PIAS2: variants seen among roughly 807,000 people sequenced by gnomAD.
PIAS2 encodes protein inhibitor of activated STAT 2, also known as E3 SUMO-protein ligase PIAS2.
PIAS2 carries 19 observed loss-of-function variants against 69.7 expected under a neutral mutation model. The ratio of observed to expected loss-of-function variants is 0.27; its 90% confidence interval spans 0.19 to 0.40. The LOEUF is 0.40. Ranked by LOEUF, PIAS2 falls within the 10% of genes least tolerant of loss-of-function variation. PIAS2 has a pLI of 1.00. For synonymous variants in PIAS2, 261 were observed against 263.2 expected (o/e 0.99, Z 0.08); for missense variants, 624 against 757.0 (o/e 0.82, Z 2.06).
chr18:46,883,010 A>G (rs1386738557), intron 2 of PIAS2, among the ~76,000 whole-genome samples: 3 of 151,832 alleles, frequency 2.0e-5, no homozygotes, highest in Non-Finnish European at 2.9e-5. Flanking sequence ...GAAAAAAAAA[A>G]TCGCTTGAAC....
intron 1 of PIAS2, among the ~76,000 whole-genome samples, chr18:46,898,112 C>T (rs1294419651): frequency 6.6e-6 from 1 of 152,096 alleles, no homozygotes; most frequent in East Asian, 1.9e-4. Context: ...ACCTTGACCT[C>T]CCAAAGTGCT....
intron 8 of PIAS2, among the ~76,000 whole-genome samples, chr18:46,839,409 C>A (rs886512293): frequency 4.6e-5 from 7 of 152,038 alleles, no homozygotes; most frequent in Non-Finnish European, 1.0e-4. Context: ...GAATAACAGA[C>A]CTTGTGAATT....
intron 2 of PIAS2, among the ~76,000 whole-genome samples, chr18:46,867,299 A>T (rs1279620074): frequency 2.0e-5 from 3 of 151,816 alleles, no homozygotes; most frequent in Admixed American, 6.6e-5. Context: ...CTATAACCAG[A>T]CTCCAGGAAC....
intron 9 of PIAS2, among the ~76,000 whole-genome samples, chr18:46,835,916 C>T (rs1221257713): frequency 6.6e-6 from 1 of 152,144 alleles, no homozygotes; most frequent in East Asian, 1.9e-4. Context: ...AGAGATGATG[C>T]TTAAAGTTTG....
At chr18:46,852,348 A>AG (rs2047090540) in intron 5 of PIAS2, among the ~76,000 whole-genome samples, 1 of 152,172 alleles carries the variant, frequency 6.6e-6, no homozygotes, top group South Asian at 2.1e-4. Context: ...TGGCCCTATA[A>AG]GGGTCAGGCA....
chr18:46,889,068 C>T (rs555202128), intron 2 of PIAS2, among the ~76,000 whole-genome samples: 1 of 152,202 alleles, frequency 6.6e-6, no homozygotes, highest in East Asian at 1.9e-4. Flanking sequence ...CACCTAATAC[C>T]ATATACGAAA....
At chr18:46,863,155 T>G (rs946395783) in intron 3 of PIAS2, among the ~76,000 whole-genome samples, 13 of 152,218 alleles carry the variant, frequency 8.5e-5, no homozygotes, top group Non-Finnish European at 1.9e-4. Context: ...TTGGTCAGGA[T>G]GACTATACAG....
intron 1 of PIAS2, chr18:46,916,864 G>A: frequency 1.0e-6 from 1 of 985,566 alleles, no homozygotes. Context: ...AAGAAGAGGA[G>A]AGATTCCTAA....
At chr18:46,884,938 T>C (rs1460244422) in intron 2 of PIAS2, among the ~76,000 whole-genome samples, 1 of 151,238 alleles carries the variant, frequency 6.6e-6, no homozygotes, top group Non-Finnish European at 1.5e-5. Context: ...ACTTAAAAAA[T>C]TGAAGAGGAA....
intron 8 of PIAS2, among the ~76,000 whole-genome samples, chr18:46,840,209 T>G (rs948113106): frequency 9.2e-5 from 14 of 152,140 alleles, no homozygotes; most frequent in Non-Finnish European, 1.8e-4. Context: ...AGACATTTTA[T>G]GTATGTGGGC....
chr18:46,884,376 G>A (rs528465109), intron 2 of PIAS2, among the ~76,000 whole-genome samples: 3 of 151,648 alleles, frequency 2.0e-5, no homozygotes, highest in South Asian at 2.1e-4. Flanking sequence ...GCAGTGGCTC[G>A]ATCTAGGCTC....
At chr18:46,816,176 C>T (rs1255676589) in intron 12 of PIAS2, 8 of 985,150 alleles carry the variant, frequency 8.1e-6, no homozygotes, top group South Asian at 9.4e-5. Context: ...AATTTCTATT[C>T]AATTCCGTGA....
At chr18:46,867,372 T>G (rs2049644538) in intron 2 of PIAS2, among the ~76,000 whole-genome samples, 1 of 152,218 alleles carries the variant, frequency 6.6e-6, no homozygotes, top group Non-Finnish European at 1.5e-5. Context: ...CATTGACAGT[T>G]CTTAGATAAG....
At chr18:46,835,118 C>A (rs190570259) in intron 9 of PIAS2, among the ~76,000 whole-genome samples, 43 of 152,224 alleles carry the variant, frequency 2.8e-4, no homozygotes, top group Non-Finnish European at 5.3e-4. Context: ...TGCAAAGGGG[C>A]ATGACATATG....
rs1344118383 is a variant in PIAS2 at position 46,804,283 on chromosome 18, G to A, written c.*8150C>T. ...TTATGTATTAAGAGTATATAAACCA[G>A]GGTACTGGGATAATAGTTAGGGAAC... On this transcript the variant is annotated 3_prime_UTR_variant, in exon 14 of 14. Transcript: ENST00000585916. The A allele has an allele frequency of 2.6e-5, 4 of 152,118 alleles. No homozygotes were observed. Among genetic ancestry groups the A allele is most frequent in the Admixed American group, 1.3e-4 (2 of 15,274 alleles). 9.4% of individuals were successfully genotyped at this position (152,118 alleles called of 1,614,324 possible).
intron 1 of PIAS2, among the ~76,000 whole-genome samples, chr18:46,892,032 G>C (rs560357517): frequency 1.3e-5 from 2 of 151,926 alleles, no homozygotes; most frequent in African/African-American, 4.8e-5. Flanking sequence ...ACCTACCCAG[G>C]AGAACTACCT....
intron 1 of PIAS2, among the ~76,000 whole-genome samples, chr18:46,908,611 G>C (rs375951083): frequency 6.6e-6 from 1 of 151,768 alleles, no homozygotes; most frequent in Non-Finnish European, 1.5e-5. Flanking sequence ...AAATATCTTC[G>C]AGAACTCTGT....
At chr18:46,894,478 C>T (rs891487910) in intron 1 of PIAS2, among the ~76,000 whole-genome samples, 1 of 152,172 alleles carries the variant, frequency 6.6e-6, no homozygotes, top group East Asian at 1.9e-4. Flanking sequence ...TTCCACTCCA[C>T]TGCGCTAACT....
chr18:46,872,383 C>A (rs1013462302), intron 2 of PIAS2, among the ~76,000 whole-genome samples: 2 of 152,158 alleles, frequency 1.3e-5, no homozygotes, highest in Non-Finnish European at 2.9e-5. Context: ...TCATTCTGAG[C>A]GAAAGCAACA....
Sources: allele counts gnomAD v4.1 joint callset (sites outside exome capture counted in the v4.1 genomes callset), GRCh38; gene constraint gnomAD v4.1.1; transcripts MANE v1.5; gene names NCBI Gene and HGNC (gene_info 2026-07-23, HGNC 2026-07-21).